AKAP9: variants seen among roughly 807,000 people sequenced by gnomAD.
The protein encoded by AKAP9 is A-kinase anchoring protein 9, also known as A-kinase anchor protein 9.
A neutral mutation model predicts 488.5 loss-of-function variants in AKAP9; 311 were observed. That is an observed-to-expected ratio of 0.64 (90% CI 0.58 to 0.70). AKAP9 has a LOEUF of 0.70. AKAP9 is among the 30% of genes least tolerant of loss of function. The pLI is 0.00. For missense variants in AKAP9, 4,215 were observed against 4,374.5 expected, an observed-to-expected ratio of 0.96 and a Z score of 1.03; for synonymous variants, 1,462 against 1,483.5, an observed-to-expected ratio of 0.99 and a Z score of 0.33.
intron 3 of AKAP9, among the ~76,000 whole-genome samples, chr7:91,988,329 A>T (rs11766308): frequency 0.094 from 11,504 of 122,562 alleles, 930 homozygotes; most frequent in East Asian, 0.35. Context: ...AAAAAAAGCT[A>T]GGTGATAGTG....
intron 26 of AKAP9, 125 bp from the exon 27 acceptor site, chr7:92,069,905 C>A: frequency 1.2e-6 from 1 of 860,396 alleles, no homozygotes; most frequent in Non-Finnish European, 1.8e-6. Context: ...AACAGACAAA[C>A]AAAAACGTTT....
At position 92,070,075 on chromosome 7, in the gene AKAP9, A is replaced by C. The variant is rs775673048; in HGVS notation, c.6376A>C (p.Ser2126Arg). ...NHLKEKTDKCSELLLSKEQLQ... is the reference protein window; with the variant it reads ...NHLKEKTDKCRELLLSKEQLQ... Reference sequence around the variant, plus strand: ...TCTGAAAGAAAAAACAGACAAATGCAGTGAGCTTTTGCTCTCTAAAGAGCA... The same window carrying C: ...TCTGAAAGAAAAAACAGACAAATGCCGTGAGCTTTTGCTCTCTAAAGAGCA... The change falls in exon 27 of 50, where the codon AGT (serine) becomes CGT (arginine). Residue 2126 changes from serine (S) to arginine (R), a missense_variant. Ser to Arg is a moderately radical substitution (Grantham distance 110). Coordinates refer to ENST00000356239, the MANE Select transcript of AKAP9 (RefSeq NM_005751.5). 6.0e-5 allele frequency: 97 copies of C among 1,613,698 alleles called. No homozygotes were observed. Among genetic ancestry groups the C allele is most frequent in the Non-Finnish European group, 7.8e-5 (92 of 1,179,940 alleles).
At position 92,002,958 on chromosome 7, in the gene AKAP9, C is replaced by T. The variant is rs1245398203; in HGVS notation, c.3041C>T (p.Thr1014Ile). 6.2e-7 allele frequency: 1 copy of T among 1,613,048 alleles called. No individual in the cohort carries two copies. Among genetic ancestry groups the T allele is most frequent in the South Asian group, 1.1e-5 (1 of 90,830 alleles). ...GCAGAAAATGTACAGTCATGTGATA[C>T]TCAAGTAAGCTCTTTATTAGATGGA... ...NRAENVQSCD[T>I]QVSSLLDGVV... The change falls in exon 8 of 50, where the codon ACT (threonine) becomes ATT (isoleucine). Residue 1014 changes from threonine (T) to isoleucine (I), a missense_variant. Physicochemically the swap from Thr to Ile is moderately conservative, Grantham distance 89 (BLOSUM62 -1). Around this residue, in one of 5 missense-constraint regions of AKAP9, gnomAD observed 2,361 missense variants for 2,430.0 expected, o/e 0.97. Coordinates refer to ENST00000356239, the MANE Select transcript of AKAP9 (RefSeq NM_005751.5).
At position 92,042,741 on chromosome 7, in the gene AKAP9, A is replaced by AT; in HGVS notation, c.5133dup (p.Val1712CysfsTer4). The AT allele has an allele frequency of 6.2e-7, 1 of 1,611,680 alleles. No homozygotes were observed. The highest frequency in any genetic ancestry group is 8.5e-7 in the Non-Finnish European group (1 of 1,178,310). ...AAGGAATTAGACAGAAAACCTGAAG[A>AT]TGTGCCTCCTGAGATTTTGTCTAAT... On this transcript the variant is annotated frameshift_variant, in exon 20 of 50. Coordinates refer to ENST00000356239, the MANE Select transcript of AKAP9 (RefSeq NM_005751.5). LOFTEE classifies it high-confidence loss of function.
chr7:91,996,173 C>A, intron 7 of AKAP9: 1 of 251,734 alleles, frequency 4.0e-6, no homozygotes, highest in Non-Finnish European at 7.5e-6. Flanking sequence ...TGAATGTAGT[C>A]AGTTATCTTT....
chr7:91,966,408 A>G (rs1035698399), intron 1 of AKAP9, among the ~76,000 whole-genome samples: 1 of 152,142 alleles, frequency 6.6e-6, no homozygotes, highest in African/African-American at 2.4e-5. Context: ...TCTTCTACAT[A>G]TGGTTATCCA....
At chr7:92,013,722 A>G (rs1801111662) in intron 9 of AKAP9, among the ~76,000 whole-genome samples, 1 of 152,222 alleles carries the variant, frequency 6.6e-6, no homozygotes, top group African/African-American at 2.4e-5. Flanking sequence ...TTTAAATTTC[A>G]GGAGTGCTTT....
chr7:92,108,462 C>T lies in AKAP9; in HGVS notation c.11547-32C>T, dbSNP rs376690801. ...AACTTATATGCATATTTCTGGATAA[C>T]TTGATTCATGTACATATTTTTAATC... On this transcript the variant is annotated intron_variant, in intron 48 of 49. Transcript: ENST00000356239. The T allele has an allele frequency of 3.0e-5, 48 of 1,611,968 alleles. No homozygotes were observed. In the African/African-American group the frequency reaches 4.7e-4, roughly 16 times the overall value.
intron 25 of AKAP9, among the ~76,000 whole-genome samples, chr7:92,065,810 C>T (rs1177302396): frequency 2.6e-5 from 4 of 152,192 alleles, no homozygotes; most frequent in East Asian, 3.8e-4. Context: ...TGGGCCACCA[C>T]TGCTTCACCT....
intron 21 of AKAP9, among the ~76,000 whole-genome samples, chr7:92,045,989 A>G (rs185434458): frequency 6.6e-6 from 1 of 152,106 alleles, no homozygotes; most frequent in East Asian, 1.9e-4. Context: ...GCATGCCACC[A>G]TGCCCAGCTA....
In AKAP9 at chr7:92,076,911, T is replaced by C. The variant is rs551316515; in HGVS notation, c.6669T>C (p.Asn2223=). 1.2e-5 allele frequency: 19 copies of C among 1,532,284 alleles called. No individual in the cohort carries two copies. In the East Asian group the frequency reaches 2.0e-4, roughly 16 times the overall value. 94.9% of individuals were successfully genotyped at this position (1,532,284 alleles called of 1,614,324 possible). A position where few individuals can be genotyped will look rare whatever the true frequency, so the allele number is the denominator to read the frequency against. The part of the protein sequence containing the change: ...EQFREELENK[N]EEVQQLHMQL... Reference sequence around the variant, plus strand: ...TTAGAGAAGAACTGGAAAATAAGAATGAAGAAGTTCAACAATTACATATGC... The same window carrying C: ...TTAGAGAAGAACTGGAAAATAAGAACGAAGAAGTTCAACAATTACATATGC... The change falls in exon 29 of 50, where the codon AAT becomes AAC. Residue 2223 remains asparagine, a synonymous_variant. Coordinates refer to ENST00000356239, the MANE Select transcript of AKAP9 (RefSeq NM_005751.5).
At chr7:91,957,261 C>T (rs1793132666) in intron 1 of AKAP9, among the ~76,000 whole-genome samples, 1 of 152,090 alleles carries the variant, frequency 6.6e-6, no homozygotes, top group Non-Finnish European at 1.5e-5. Flanking sequence ...GTAGAATTAA[C>T]ACTTTAAATA....
intron 11 of AKAP9, 62 bp downstream of exon 11, chr7:92,016,329 A>G (rs1290815316): frequency 2.5e-6 from 3 of 1,223,496 alleles, no homozygotes; most frequent in Non-Finnish European, 2.3e-6. Context: ...TTGATGACAG[A>G]TTTTTACTTT....
At chr7:92,077,265 G>A (rs973522658) in intron 29 of AKAP9, among the ~76,000 whole-genome samples, 1 of 151,452 alleles carries the variant, frequency 6.6e-6, no homozygotes, top group African/African-American at 2.4e-5. Flanking sequence ...GCTAATTTTT[G>A]TATTTTTAGT....
At position 92,079,761 on chromosome 7, in the gene AKAP9, T is replaced by C. The variant is rs373320584; in HGVS notation, c.7628T>C (p.Leu2543Pro). 129 of 1,613,954 alleles carry C rather than the reference T, an allele frequency of 8.0e-5. No homozygotes were observed. The highest frequency in any genetic ancestry group is 1.5e-4 in the Admixed American group (9 of 59,994). The change falls in exon 31 of 50, where the codon CTA becomes CCA. Residue 2543 changes from leucine to proline, a missense_variant. Around this residue, in one of 5 missense-constraint regions of AKAP9, gnomAD observed 1,476 missense variants for 1,477.4 expected, o/e 1.00. Transcript: ENST00000356239. ...ATGCTTCAAAAGAAGATTGTAAACC[T>C]ACAGAAAATAGTTGAAGAAAAAGTG... ...TEMLQKKIVN[L>P]QKIVEEKVAA...
rs544680944 is a variant in AKAP9, at chr7:91,965,673, C to T, written c.49-8038C>T. ...ACAGTATACAAGGGCTCTTCTCTCT[C>T]CACATCCTCCCCAGCATCTGTTATT... On this transcript the variant is annotated intron_variant, in intron 1 of 49. Coordinates refer to ENST00000356239, the MANE Select transcript of AKAP9 (RefSeq NM_005751.5). 5.3e-5 allele frequency among the ~76,000 whole-genome samples: 8 copies of T among 152,322 alleles called. No individual in the cohort carries two copies. In the South Asian group the frequency reaches 1.7e-3, roughly 32 times the overall value.
intron 37 of AKAP9, 136 bp downstream of exon 37, chr7:92,086,552 C>T (rs1051794658): frequency 1.4e-6 from 1 of 706,082 alleles, no homozygotes; most frequent in Admixed American, 2.6e-5. Context: ...ATTATTGTAA[C>T]TATTTTAACG....
Position 91,940,945 on chromosome 7 carries a change from C to T in AKAP9, c.-155C>T. The T allele has an allele frequency of 1.3e-6, 1 of 793,086 alleles. No homozygotes were observed. The highest frequency in any genetic ancestry group is 2.2e-6 in the Non-Finnish European group (1 of 458,176). The allele number at this position is 793,086 out of a possible 1,614,324, so 49.1% of individuals were successfully genotyped here. On this transcript the variant is annotated 5_prime_UTR_variant, in exon 1 of 50. Coordinates refer to ENST00000356239, the MANE Select transcript of AKAP9 (RefSeq NM_005751.5). ...GCTGAGGACGATCCGCCAGTGAGCG[C>T]GGAGACTGCTTCCACTTCGGGCGGG...
intron 22 of AKAP9, among the ~76,000 whole-genome samples, chr7:92,056,695 A>G (rs781548036): frequency 6.6e-6 from 1 of 151,904 alleles, no homozygotes; most frequent in Non-Finnish European, 1.5e-5. Flanking sequence ...TTTCTATAGA[A>G]AATGTCATTT....
Sources: gnomAD v4.1 joint callset for allele counts (sites outside exome capture counted in the v4.1 genomes callset) on GRCh38, gnomAD v4.1.1 for gene constraint, gnomAD v4.1.1 regional missense constraint, MANE v1.5 for transcripts, NCBI Gene and HGNC (gene_info 2026-07-23, HGNC 2026-07-21) for gene names.